The following ARHGEF3 variants were observed in gnomAD, a reference collection of about 807,000 sequenced individuals.
ARHGEF3 encodes 59.8 kDA protein.
A neutral mutation model predicts 63.2 loss-of-function variants in ARHGEF3; 28 were observed. That is an observed-to-expected ratio of 0.44 (90% CI 0.33 to 0.61). The LOEUF (loss-of-function observed/expected upper bound fraction) is 0.61, where lower values mean the gene tolerates loss of function less well. Among genes scored for constraint, ARHGEF3 ranks in the 20% least tolerant of loss-of-function variants. The probability of loss-of-function intolerance (pLI) is 0.03; values close to 1 mark genes in which losing one functional copy is unlikely to be tolerated. For missense variants in ARHGEF3, 533 were observed against 659.3 expected (o/e 0.81, Z 2.10); for synonymous variants, 266 against 254.2 (o/e 1.05, Z -0.44).
chr3:56,986,734 G>A (rs1701555174), intron 2 of ARHGEF3, among the ~76,000 whole-genome samples: 1 of 152,018 alleles, frequency 6.6e-6, no homozygotes, highest in Admixed American at 6.6e-5. Flanking sequence ...GTAGTAGTGG[G>A]GGTAGTCACT....
At chr3:56,909,240 A>T (rs1188219427) in intron 3 of ARHGEF3, among the ~76,000 whole-genome samples, 1 of 152,248 alleles carries the variant, frequency 6.6e-6, no homozygotes, top group African/African-American at 2.4e-5. Flanking sequence ...AAAGATACAC[A>T]TGAACTCAGG....
chr3:56,753,083 T>C (rs931729456), intron 4 of ARHGEF3, among the ~76,000 whole-genome samples: 1 of 152,234 alleles, frequency 6.6e-6, no homozygotes, highest in Non-Finnish European at 1.5e-5. Flanking sequence ...ACTTATATGA[T>C]AGTATGCAAT....
At chr3:57,000,741 C>T (rs1014857177) in intron 2 of ARHGEF3, among the ~76,000 whole-genome samples, 7 of 152,036 alleles carry the variant, frequency 4.6e-5, no homozygotes, top group African/African-American at 1.7e-4. Flanking sequence ...CCATGTTGGC[C>T]AGGCTGGTCT....
intron 4 of ARHGEF3, among the ~76,000 whole-genome samples, chr3:56,876,565 TAAC>T (rs1348377879): frequency 2.6e-5 from 4 of 151,928 alleles, no homozygotes; most frequent in African/African-American, 9.7e-5. Context: ...AGAGTGGTTG[TAAC>T]AACAACAATA....
intron 4 of ARHGEF3, among the ~76,000 whole-genome samples, chr3:56,873,589 T>C (rs1285841266): frequency 1.3e-5 from 2 of 152,124 alleles, no homozygotes; most frequent in African/African-American, 4.8e-5. Flanking sequence ...ATAAATTATT[T>C]TGTAGAGACG....
At chr3:57,010,250 A>T (rs12487820) in intron 2 of ARHGEF3, among the ~76,000 whole-genome samples, 96,536 of 151,692 alleles carry the variant, frequency 0.64, 34,163 homozygotes, top group East Asian at 0.97. Context: ...GTCAGGAGAT[A>T]GAGACCATCC....
intron 2 of ARHGEF3, among the ~76,000 whole-genome samples, chr3:56,997,461 C>G (rs1231993039): frequency 6.6e-6 from 1 of 152,092 alleles, no homozygotes; most frequent in East Asian, 1.9e-4. Flanking sequence ...TAAGGGTGGG[C>G]AGAAAGAGAT....
rs372602142 is a variant in ARHGEF3 at position 56,745,377 on chromosome 3, C to T, written c.698G>A (p.Arg233Gln). Residue 233 changes from arginine to glutamine, a missense_variant, in exon 7 of 10, where the codon CGA (arginine) becomes CAA (glutamine). Transcript: ENST00000296315. ...ACATCGCTGTAGGAAATCCTGGACT[C>T]GGTGATCTTGCTTTTTGTGGTCCAG... ...ALLDHKKQDH[R>Q]VQDFLQRCLE... 29 of 1,613,756 alleles carry T rather than the reference C, an allele frequency of 1.8e-5. No individual in the cohort carries two copies. The highest frequency in any genetic ancestry group is 2.1e-5 in the Non-Finnish European group (25 of 1,180,002).
intron 3 of ARHGEF3, among the ~76,000 whole-genome samples, chr3:56,900,943 C>T (rs1341903655): frequency 6.6e-6 from 1 of 152,050 alleles, no homozygotes; most frequent in East Asian, 1.9e-4. Flanking sequence ...CGGAGTTGGC[C>T]CAGGTGACCT....
intron 3 of ARHGEF3, among the ~76,000 whole-genome samples, chr3:56,953,750 C>T (rs568650660): frequency 4.5e-4 from 69 of 152,288 alleles, no homozygotes; most frequent in African/African-American, 1.5e-3. Flanking sequence ...ATCTCTCTTG[C>T]CTCTGGAAAT....
intron 2 of ARHGEF3, among the ~76,000 whole-genome samples, chr3:57,032,112 T>C (rs543080096): frequency 6.6e-6 from 1 of 152,278 alleles, no homozygotes; most frequent in South Asian, 2.1e-4. Context: ...GTACTTCCTC[T>C]CCCTGCACAG....
rs2034971418 is a variant in ARHGEF3 at position 56,754,834 on chromosome 3, T to C, written c.375+147A>G. ...AGCTGGTTTCTGGTTTCTCAGTTCC[T>C]TCCCCAAGGTCAGACACTCTTGTTT... is the stretch of plus-strand genomic sequence containing the variant. On this transcript the variant is annotated intron_variant, in intron 3 of 9. Transcript: ENST00000296315. 3 of 1,071,134 alleles carry C rather than the reference T, an allele frequency of 2.8e-6. No homozygotes were observed. The South Asian group carries it at 4.9e-5, about 18-fold the overall frequency. The allele number at this position is 1,071,134 out of a possible 1,614,324, so 66.4% of individuals were successfully genotyped here. A position where few individuals can be genotyped will look rare whatever the true frequency, so the allele number is the denominator to read the frequency against.
chr3:57,066,270 C>CT (rs796586047), intron 1 of ARHGEF3, among the ~76,000 whole-genome samples: 473 of 145,124 alleles, frequency 3.3e-3, no homozygotes, highest in African/African-American at 7.3e-3. Flanking sequence ...TCCTTTCTTT[C>CT]TTTTTTTTTT....
At position 57,047,356 on chromosome 3, in the gene ARHGEF3, G is replaced by GAAACAA. The variant is rs200112572; in HGVS notation, c.-27-12186_-27-12181dup. On this transcript the variant is annotated intron_variant, in intron 1 of 12. Transcript: ENST00000338458. Reference sequence around the variant, plus strand: ...AATAAGTAAGACTCCGTCTCAAACAGAAACAAAAACAAAAACAAACAAAAA... The same window carrying GAAACAA: ...AATAAGTAAGACTCCGTCTCAAACAGAAACAAAAACAAAAACAAAAACAAACAAAAA... Among the ~76,000 whole-genome samples the GAAACAA allele has an allele frequency of 1.7e-3, 257 of 150,134 alleles. 1 individual carries two copies. The highest frequency in any genetic ancestry group is 5.1e-3 in the African/African-American group (208 of 40,902).
At position 56,964,079 on chromosome 3, in the gene ARHGEF3, C is replaced by T. The variant is rs146678288; in HGVS notation, c.63-5190G>A. On this transcript the variant is annotated intron_variant, in intron 2 of 12. Transcript: ENST00000338458. The stretch of plus-strand genomic sequence containing the variant: ...AAAAAAGAATCACAGAGGCTGCATG[C>T]GGTGGCTCACGCCTGTAATCCCAGC... Among the ~76,000 whole-genome samples, 461 of 152,234 alleles carry T rather than the reference C, an allele frequency of 3.0e-3. 5 individuals are homozygous for T. Among genetic ancestry groups the T allele is most frequent in the South Asian group, 0.03 (144 of 4,822 alleles).
At chr3:57,013,756 T>C (rs9873631) in intron 2 of ARHGEF3, among the ~76,000 whole-genome samples, 51,407 of 152,018 alleles carry the variant, frequency 0.34, 9,232 homozygotes, top group African/African-American at 0.45. Flanking sequence ...AATCAGCACT[T>C]GGTGTCTAGC....
intron 2 of ARHGEF3, among the ~76,000 whole-genome samples, chr3:57,033,688 G>T (rs1259045826): frequency 6.6e-6 from 1 of 152,042 alleles, no homozygotes; most frequent in Non-Finnish European, 1.5e-5. Flanking sequence ...AATGAAAATG[G>T]GAGTCAATGG....
chr3:56,969,623 T>C lies in ARHGEF3; in HGVS notation c.63-10734A>G, dbSNP rs1381673203. ...CCATATCTACTAAAAATACAAAAAT[T>C]AGCTGAGCATGGTGGCTCATGCCTA... On this transcript the variant is annotated intron_variant, in intron 2 of 12. Coordinates refer to the ARHGEF3 transcript ENST00000338458. Among the ~76,000 whole-genome samples the C allele has an allele frequency of 2.0e-5, 3 of 151,676 alleles. No individual in the cohort carries two copies. In the East Asian group the frequency reaches 5.8e-4, roughly 29 times the overall value.
At chr3:56,733,066 C>T (rs565741642) in intron 8 of ARHGEF3, among the ~76,000 whole-genome samples, 39 of 150,354 alleles carry the variant, frequency 2.6e-4, no homozygotes, top group Admixed American at 2.1e-3. Flanking sequence ...GGCGGATCAC[C>T]AGGTCAGGAG....
Sources: gnomAD v4.1 joint callset for allele counts (sites outside exome capture counted in the v4.1 genomes callset) on GRCh38, gnomAD v4.1.1 for gene constraint, MANE v1.5 for transcripts, NCBI Gene and HGNC (gene_info 2026-07-23, HGNC 2026-07-21) for gene names.